Variants in SGCZ observed in about 807,000 individuals in gnomAD.
SGCZ encodes the protein zeta-sarcoglycan.
In SGCZ, 40 loss-of-function variants were observed where a neutral mutation model predicts 41.3. That is an observed-to-expected ratio of 0.97 (90% confidence interval 0.75 to 1.26). The LOEUF (loss-of-function observed/expected upper bound fraction) is 1.26. Ranked by LOEUF, SGCZ falls within the 50% of genes most tolerant of loss-of-function variation. The pLI, the probability that SGCZ is intolerant of heterozygous loss-of-function variation, is 0.00. For synonymous variants in SGCZ, 206 were observed against 137.5 expected (o/e 1.50, Z -3.49); for missense variants, 552 against 369.8 (o/e 1.49, Z -4.04).
At chr8:14,212,982 A>C (rs560304247) in intron 4 of SGCZ, among the ~76,000 whole-genome samples, 2 of 152,278 alleles carry the variant, frequency 1.3e-5, no homozygotes, top group South Asian at 4.1e-4. Context: ...AGATGTAATC[A>C]ATGAGCATCA....
intron 1 of SGCZ, among the ~76,000 whole-genome samples, chr8:15,021,185 A>G (rs1484408750): frequency 6.6e-6 from 1 of 152,258 alleles, no homozygotes; most frequent in Non-Finnish European, 1.5e-5. Context: ...CTGCAAATCT[A>G]ATAGATTTAG....
chr8:14,138,705 C>T (rs1803276845), intron 5 of SGCZ, among the ~76,000 whole-genome samples: 1 of 152,132 alleles, frequency 6.6e-6, no homozygotes, highest in Non-Finnish European at 1.5e-5. Flanking sequence ...TTCTTACACA[C>T]CTACAAAGAA....
At chr8:14,183,011 C>CAAAAAAAAAAAAAAAAAAAATAA in intron 4 of SGCZ, among the ~76,000 whole-genome samples, 1 of 83,776 alleles carries the variant, frequency 1.2e-5, no homozygotes, top group Non-Finnish European at 2.5e-5. Context: ...AACTCCGTCT[C>CAAAAAAAAAAAAAAAAAAAATAA]AAAAAAAAAA....
At chr8:15,061,728 T>C (rs944341640) in intron 1 of SGCZ, among the ~76,000 whole-genome samples, 2 of 152,046 alleles carry the variant, frequency 1.3e-5, no homozygotes, top group Non-Finnish European at 2.9e-5. Context: ...AGACACCAAA[T>C]GCCAGTGCCT....
At chr8:15,177,230 T>C (rs187605137) in intron 1 of SGCZ, among the ~76,000 whole-genome samples, 1 of 152,168 alleles carries the variant, frequency 6.6e-6, no homozygotes, top group Admixed American at 6.5e-5. Context: ...GAGAACACAA[T>C]ATGACAAATA....
intron 4 of SGCZ, among the ~76,000 whole-genome samples, chr8:14,232,616 T>A (rs892605975): frequency 6.6e-6 from 1 of 151,928 alleles, no homozygotes; most frequent in African/African-American, 2.4e-5. Flanking sequence ...TTTATTATTA[T>A]TATATTTTAA....
chr8:14,794,396 G>C (rs1228942083), intron 1 of SGCZ, among the ~76,000 whole-genome samples: 1 of 152,052 alleles, frequency 6.6e-6, no homozygotes, highest in Non-Finnish European at 1.5e-5. Flanking sequence ...GACAAAAAGA[G>C]CTGTTAGAAA....
intron 2 of SGCZ, among the ~76,000 whole-genome samples, chr8:14,454,303 G>T (rs1009129114): frequency 1.3e-5 from 2 of 152,136 alleles, no homozygotes; most frequent in African/African-American, 4.8e-5. Context: ...GAACTGGGAA[G>T]ACTTCATTAC....
chr8:14,522,023 T>C (rs11990349), intron 2 of SGCZ, among the ~76,000 whole-genome samples: 24,122 of 152,082 alleles, frequency 0.16, 3,957 homozygotes, highest in African/African-American at 0.41. Context: ...ACAAATATGA[T>C]CAAGCGATAT....
chr8:14,128,411 T>C (rs1802931230), intron 5 of SGCZ, among the ~76,000 whole-genome samples: 1 of 152,282 alleles, frequency 6.6e-6, no homozygotes, highest in East Asian at 1.9e-4. Flanking sequence ...AACACATTGG[T>C]GAGGATGCAG....
intron 1 of SGCZ, among the ~76,000 whole-genome samples, chr8:14,629,004 G>T (rs1306443078): frequency 6.6e-6 from 1 of 152,104 alleles, no homozygotes; most frequent in Non-Finnish European, 1.5e-5. Context: ...CAGGATGTTT[G>T]CAAAAGAACC....
At chr8:14,256,138 A>T (rs879314927) in intron 3 of SGCZ, among the ~76,000 whole-genome samples, 2 of 152,174 alleles carry the variant, frequency 1.3e-5, no homozygotes, top group Non-Finnish European at 2.9e-5. Context: ...TGGCAGAAGC[A>T]TATGATATAT....
chr8:14,338,579 C>A (rs1388182668), intron 2 of SGCZ, among the ~76,000 whole-genome samples: 2 of 152,088 alleles, frequency 1.3e-5, no homozygotes, highest in Admixed American at 1.3e-4. Context: ...GAATGTTATT[C>A]TCTTGTTTAT....
intron 1 of SGCZ, among the ~76,000 whole-genome samples, chr8:14,701,169 A>C (rs1809125187): frequency 6.6e-6 from 1 of 151,994 alleles, no homozygotes; most frequent in Non-Finnish European, 1.5e-5. Flanking sequence ...GAGAAACTAA[A>C]TGGAAATTAA....
rs531861240 is a variant in SGCZ, at chr8:14,377,702, T to C, written c.235-53498A>G. Among the ~76,000 whole-genome samples the C allele has an allele frequency of 4.3e-3, 596 of 138,232 alleles. 4 individuals are homozygous for C. The highest frequency in any genetic ancestry group is 2.0e-3 in the Non-Finnish European group (127 of 64,400). The allele number at this position is 138,232 out of a possible 152,430, so 90.7% of individuals were successfully genotyped here. ...CACTCCCCCCACCCCACAACAGTCC[T>C]CAGAGTGTGATGTTCCCTTTCCTAT... On this transcript the variant is annotated intron_variant, in intron 2 of 7. Coordinates refer to ENST00000382080, the MANE Select transcript of SGCZ (RefSeq NM_139167.4).
intron 1 of SGCZ, among the ~76,000 whole-genome samples, chr8:14,727,138 A>T (rs1279245835): frequency 1.3e-5 from 2 of 152,162 alleles, no homozygotes; most frequent in Non-Finnish European, 2.9e-5. Flanking sequence ...ATCAAATAAT[A>T]TAAGTAAATT....
At chr8:15,102,936 T>A (rs987205712) in intron 1 of SGCZ, among the ~76,000 whole-genome samples, 1 of 152,188 alleles carries the variant, frequency 6.6e-6, no homozygotes, top group Non-Finnish European at 1.5e-5. Flanking sequence ...ATATAAATCA[T>A]ATTCCTTACA....
intron 1 of SGCZ, among the ~76,000 whole-genome samples, chr8:14,993,445 G>C (rs1449073150): frequency 6.6e-6 from 1 of 151,928 alleles, no homozygotes; most frequent in East Asian, 1.9e-4. Context: ...CTGATATTCT[G>C]GTACTATCAA....
intron 1 of SGCZ, among the ~76,000 whole-genome samples, chr8:15,167,138 T>C (rs993066030): frequency 1.3e-5 from 2 of 152,252 alleles, no homozygotes; most frequent in Admixed American, 1.3e-4. Flanking sequence ...CTGGTTCCTC[T>C]AAAATTTGGA....
Sources: allele counts gnomAD v4.1 joint callset (sites outside exome capture counted in the v4.1 genomes callset), GRCh38; gene constraint gnomAD v4.1.1; transcripts MANE v1.5; gene names NCBI Gene and HGNC (gene_info 2026-07-23, HGNC 2026-07-21).